The following SNAPC3 variants were observed in gnomAD, a reference collection of about 807,000 sequenced individuals.
SNAPC3 encodes snRNA-activating protein complex subunit 3.
Under a neutral mutation model 47.7 loss-of-function variants are expected in SNAPC3, and 56 were observed. The observed-to-expected ratio is 1.18, with a 90% CI of 0.95 to 1.47. The LOEUF (loss-of-function observed/expected upper bound fraction) is 1.47. Among genes scored for constraint, SNAPC3 ranks in the 40% most tolerant of loss-of-function variants. The pLI, the probability that SNAPC3 is intolerant of heterozygous loss-of-function variation, is 0.00. For missense variants in SNAPC3, 665 were observed against 511.3 expected, an observed-to-expected ratio of 1.30 and a Z score of -2.90; for synonymous variants, 235 against 189.9, an observed-to-expected ratio of 1.24 and a Z score of -1.95.
In SNAPC3 at chr9:15,433,437, T is replaced by C. The variant is rs1338426867; in HGVS notation, c.393-115T>C. Reference sequence around the variant, plus strand: ...GAGATAGAAGGGAACTTTTTCCTGCTTTTGCTACTTAAAATTAGTTCAAAA... The same window carrying C: ...GAGATAGAAGGGAACTTTTTCCTGCCTTTGCTACTTAAAATTAGTTCAAAA... On this transcript the variant is annotated intron_variant, in intron 2 of 8. Transcript: ENST00000380821. The C allele has an allele frequency of 1.1e-4, 80 of 718,156 alleles. 1 individual carries two copies. In the East Asian group the frequency reaches 1.6e-3, roughly 15 times the overall value. 44.5% of individuals were successfully genotyped at this position (718,156 alleles called of 1,614,324 possible).
intron 3 of SNAPC3, among the ~76,000 whole-genome samples, chr9:15,438,821 C>G (rs761165587): frequency 2.0e-5 from 3 of 151,996 alleles, no homozygotes; most frequent in Non-Finnish European, 4.4e-5. Context: ...CTGTATTCAG[C>G]TGTTGTTTGG....
intron 4 of SNAPC3, among the ~76,000 whole-genome samples, chr9:15,446,850 A>G (rs372148656): frequency 3.9e-5 from 6 of 152,288 alleles, no homozygotes; most frequent in African/African-American, 1.4e-4. Flanking sequence ...ACCAGGGGAA[A>G]TAGTGGCTTG....
chr9:15,450,601 G>C (rs2034315101), intron 5 of SNAPC3, among the ~76,000 whole-genome samples: 1 of 152,206 alleles, frequency 6.6e-6, no homozygotes, highest in Non-Finnish European at 1.5e-5. Context: ...CCTCATTCAG[G>C]AGTCTAAATA....
intron 3 of SNAPC3, among the ~76,000 whole-genome samples, chr9:15,434,554 C>T (rs187069534): frequency 1.3e-5 from 2 of 151,922 alleles, no homozygotes; most frequent in Non-Finnish European, 2.9e-5. Flanking sequence ...ATTATAGGTG[C>T]CTGCCACCAT....
At chr9:15,442,848 G>C (rs1245236429) in intron 3 of SNAPC3, among the ~76,000 whole-genome samples, 1 of 152,146 alleles carries the variant, frequency 6.6e-6, no homozygotes, top group African/African-American at 2.4e-5. Context: ...GTAGCAAGCC[G>C]AGATCACGCC....
At chr9:15,438,137 A>C (rs2033000502) in intron 3 of SNAPC3, among the ~76,000 whole-genome samples, 1 of 152,182 alleles carries the variant, frequency 6.6e-6, no homozygotes, top group African/African-American at 2.4e-5. Flanking sequence ...GAGGTTTTTC[A>C]TTGCTGATTC....
intron 2 of SNAPC3, 94 bp downstream of exon 2, chr9:15,424,080 G>C (rs1054888345): frequency 6.7e-6 from 4 of 600,472 alleles, no homozygotes; most frequent in Non-Finnish European, 8.6e-6. Context: ...ATTGTTGTCT[G>C]TATACCCACC....
chr9:15,423,864 G>T, intron 1 of SNAPC3, 45 bp from the exon 2 acceptor site: 1 of 1,128,658 alleles, frequency 8.9e-7, no homozygotes, highest in South Asian at 1.6e-5. Context: ...CTGTGAACCA[G>T]ATGCAGAGTC....
At chr9:15,450,606 TAA>T in intron 5 of SNAPC3, among the ~76,000 whole-genome samples, 1 of 152,354 alleles carries the variant, frequency 6.6e-6, no homozygotes, top group Admixed American at 6.5e-5. Flanking sequence ...TTCAGGAGTC[TAA>T]ATAGAAGGTG....
At chr9:15,452,872 G>A (rs371211653) in intron 6 of SNAPC3, among the ~76,000 whole-genome samples, 169 bp from the exon 7 acceptor site, 12 of 152,274 alleles carry the variant, frequency 7.9e-5, no homozygotes, top group Middle Eastern at 3.4e-3. Flanking sequence ...AAAATTCAGC[G>A]TTCCTAATCT....
intron 5 of SNAPC3, among the ~76,000 whole-genome samples, chr9:15,447,706 G>C (rs975819186): frequency 2.6e-5 from 4 of 152,056 alleles, no homozygotes; most frequent in Non-Finnish European, 4.4e-5. Flanking sequence ...TTGAAGCTCT[G>C]TCAGAGTTGT....
chr9:15,442,335 G>A (rs1322271592), intron 3 of SNAPC3, among the ~76,000 whole-genome samples: 6 of 151,510 alleles, frequency 4.0e-5, no homozygotes, highest in African/African-American at 7.3e-5. Flanking sequence ...CTGGCTGGAC[G>A]GGGCGGCTGC....
At chr9:15,424,477 A>G (rs937815849) in intron 2 of SNAPC3, among the ~76,000 whole-genome samples, 1 of 152,226 alleles carries the variant, frequency 6.6e-6, no homozygotes, top group Non-Finnish European at 1.5e-5. Flanking sequence ...TTAATCTTTG[A>G]CAGATTTATG....
chr9:15,437,699 C>T (rs1169424822), intron 3 of SNAPC3, among the ~76,000 whole-genome samples: 1 of 151,326 alleles, frequency 6.6e-6, no homozygotes, highest in East Asian at 1.9e-4. Context: ...TTAAATTACC[C>T]TTGCATTTTG....
At chr9:15,446,394 A>G (rs766586319) in intron 4 of SNAPC3, among the ~76,000 whole-genome samples, 6 of 152,064 alleles carry the variant, frequency 3.9e-5, no homozygotes, top group Non-Finnish European at 8.8e-5. Flanking sequence ...TTTTGTAGAG[A>G]TGGGGTTTTG....
intron 3 of SNAPC3, among the ~76,000 whole-genome samples, chr9:15,439,394 A>T (rs548887429): frequency 1.3e-5 from 2 of 151,896 alleles, no homozygotes; most frequent in East Asian, 1.9e-4. Flanking sequence ...ACCTTAAAAA[A>T]TTTTGTTTTT....
rs2034934117 is a variant in SNAPC3 at position 15,458,081 on chromosome 9, T to TA, written c.1088+15dup. ...GTATACAGCCAGGTGAGTGATAATG[T>TA]ATTTTTTTTTTTCTCTGAGAAATGG... is the stretch of plus-strand genomic sequence containing the variant. On this transcript the variant is annotated intron_variant, in intron 8 of 8. Coordinates refer to ENST00000380821, the MANE Select transcript of SNAPC3 (RefSeq NM_001039697.2). 2 of 1,253,274 alleles carry TA rather than the reference T, an allele frequency of 1.6e-6. No homozygotes were observed. Among genetic ancestry groups the TA allele is most frequent in the Non-Finnish European group, 2.1e-6 (2 of 937,596 alleles). 77.6% of individuals were successfully genotyped at this position (1,253,274 alleles called of 1,614,324 possible).
intron 3 of SNAPC3, among the ~76,000 whole-genome samples, chr9:15,441,982 GC>G (rs1300351409): frequency 2.6e-5 from 4 of 151,862 alleles, no homozygotes; most frequent in African/African-American, 9.7e-5. Flanking sequence ...AGGCAGAGGC[GC>G]CCCCCCACCT....
intron 2 of SNAPC3, among the ~76,000 whole-genome samples, chr9:15,432,677 T>C (rs970764151): frequency 1.1e-4 from 16 of 152,172 alleles, no homozygotes; most frequent in African/African-American, 3.6e-4. Context: ...TTCATACTAA[T>C]AGAAATGATG....
Sources: allele counts gnomAD v4.1 joint callset (sites outside exome capture counted in the v4.1 genomes callset), GRCh38; gene constraint gnomAD v4.1.1; transcripts MANE v1.5; gene names NCBI Gene and HGNC (gene_info 2026-07-23, HGNC 2026-07-21).